The following CNTNAP2 variants were observed in gnomAD, a reference collection of about 807,000 sequenced individuals.
CNTNAP2 encodes the protein contactin associated protein 2, also known as contactin-associated protein-like 2.
In CNTNAP2, 98 loss-of-function variants were observed where a neutral mutation model predicts 155.2. The observed-to-expected ratio is 0.63, with a 90% CI of 0.54 to 0.75. CNTNAP2 has a LOEUF of 0.75. Ranked by LOEUF, CNTNAP2 falls within the 30% of genes least tolerant of loss-of-function variation. The probability of loss-of-function intolerance (pLI) is 0.00; values close to 1 mark genes in which losing one functional copy is unlikely to be tolerated. For synonymous variants in CNTNAP2, 651 were observed against 631.2 expected, an observed-to-expected ratio of 1.03 and a Z score of -0.47; for missense variants, 1,727 against 1,688.1, an observed-to-expected ratio of 1.02 and a Z score of -0.40.
intron 3 of CNTNAP2, among the ~76,000 whole-genome samples, chr7:147,008,557 T>TA (rs943071128): frequency 1.5e-4 from 22 of 150,420 alleles, no homozygotes; most frequent in South Asian, 6.3e-4. Context: ...ACAAACAAAA[T>TA]AAAAAAAACA....
At chr7:146,231,814 A>G (rs898043371) in intron 1 of CNTNAP2, among the ~76,000 whole-genome samples, 2 of 152,212 alleles carry the variant, frequency 1.3e-5, no homozygotes, top group African/African-American at 4.8e-5. Context: ...ATTCCCTGGA[A>G]AGGAACTGCA....
At chr7:147,971,544 A>G (rs1484128496) in intron 14 of CNTNAP2, among the ~76,000 whole-genome samples, 1 of 152,100 alleles carries the variant, frequency 6.6e-6, no homozygotes, top group East Asian at 1.9e-4. Context: ...TAAAATTAGA[A>G]TATGTGATTT....
At chr7:146,395,808 GATAGATAGATAGATAGAGGAGA>G (rs1795614130) in intron 1 of CNTNAP2, among the ~76,000 whole-genome samples, 3 of 136,092 alleles carry the variant, frequency 2.2e-5, no homozygotes, top group African/African-American at 1.1e-4. Context: ...TAGATAGATA[GATAGATAGATAGATAGAGGAGA>G]GAGAGAGAGA....
intron 1 of CNTNAP2, among the ~76,000 whole-genome samples, chr7:146,148,899 G>A (rs1407063886): frequency 2.0e-5 from 3 of 151,996 alleles, no homozygotes; most frequent in East Asian, 3.9e-4. Flanking sequence ...CACCCTCTCT[G>A]CCTATGAGTA....
intron 2 of CNTNAP2, among the ~76,000 whole-genome samples, chr7:146,775,238 T>C (rs1464122203): frequency 6.6e-6 from 1 of 152,154 alleles, no homozygotes; most frequent in Admixed American, 6.5e-5. Context: ...TTTGGATATC[T>C]ATTGTGTAGC....
At chr7:147,611,977 T>A (rs1258141192) in intron 12 of CNTNAP2, among the ~76,000 whole-genome samples, 2 of 152,362 alleles carry the variant, frequency 1.3e-5, no homozygotes, top group East Asian at 3.9e-4. Context: ...ATCATAATTA[T>A]TGATCTTCTA....
intron 3 of CNTNAP2, among the ~76,000 whole-genome samples, chr7:147,010,673 C>T (rs1367687626): frequency 1.3e-5 from 2 of 151,992 alleles, no homozygotes; most frequent in African/African-American, 4.8e-5. Flanking sequence ...TGGACAAAGA[C>T]ATGAGTAAAT....
intron 15 of CNTNAP2, among the ~76,000 whole-genome samples, chr7:148,088,962 G>C (rs949601624): frequency 2.6e-5 from 4 of 151,880 alleles, no homozygotes; most frequent in Non-Finnish European, 5.9e-5. Flanking sequence ...CATTCATCAT[G>C]GTCAGGTGGG....
chr7:147,004,382 G>A (rs952336648), intron 3 of CNTNAP2, among the ~76,000 whole-genome samples: 1 of 151,716 alleles, frequency 6.6e-6, no homozygotes, highest in Non-Finnish European at 1.5e-5. Flanking sequence ...GAAAATAATT[G>A]ACCTTGTAGA....
At chr7:147,262,542 C>A (rs531179428) in intron 8 of CNTNAP2, among the ~76,000 whole-genome samples, 1 of 152,136 alleles carries the variant, frequency 6.6e-6, no homozygotes, top group African/African-American at 2.4e-5. Flanking sequence ...CGGTGGCTCA[C>A]GCCTGTAATC....
At position 147,497,005 on chromosome 7, in the gene CNTNAP2, C is replaced by A. The variant is rs184641065; in HGVS notation, c.1777+10964C>A. The A allele has an allele frequency of 8.5e-4, 130 of 152,170 alleles. 1 individual carries two copies. Among genetic ancestry groups the A allele is most frequent in the Non-Finnish European group, 8.1e-4 (55 of 68,014 alleles). 9.4% of individuals were successfully genotyped at this position (152,170 alleles called of 1,614,324 possible). On this transcript the variant is annotated intron_variant, in intron 11 of 23. Transcript: ENST00000361727. ...TTATCTTTGATGAATATGTCTAACACCATTAATAAGCAATAGTTTCTTATA... is the reference window on the plus strand; with the variant it reads ...TTATCTTTGATGAATATGTCTAACAACATTAATAAGCAATAGTTTCTTATA...
intron 21 of CNTNAP2, among the ~76,000 whole-genome samples, chr7:148,359,244 C>A (rs1798575275): frequency 1.3e-5 from 2 of 152,116 alleles, no homozygotes; most frequent in Admixed American, 1.3e-4. Context: ...TGTGACGTTC[C>A]CACAATAACA....
At chr7:147,474,841 T>C (rs779334369) in intron 10 of CNTNAP2, among the ~76,000 whole-genome samples, 1 of 152,126 alleles carries the variant, frequency 6.6e-6, no homozygotes. Context: ...CTCTGCCTTA[T>C]GGAGCTGAGG....
At chr7:147,962,127 A>G (rs1328641044) in intron 14 of CNTNAP2, among the ~76,000 whole-genome samples, 3 of 152,256 alleles carry the variant, frequency 2.0e-5, no homozygotes, top group African/African-American at 7.2e-5. Context: ...TAATCTTTGC[A>G]TTCCCCACCA....
intron 5 of CNTNAP2, among the ~76,000 whole-genome samples, chr7:147,112,575 A>G (rs1464461354): frequency 1.3e-5 from 2 of 152,174 alleles, no homozygotes; most frequent in Non-Finnish European, 2.9e-5. Flanking sequence ...AGTTTTTAAT[A>G]TAAAGGGATG....
At position 147,949,457 on chromosome 7, in the gene CNTNAP2, TA is replaced by T. The variant is rs66684415; in HGVS notation, c.2256-28404del. Reference sequence around the variant, plus strand: ...AACTGTGTGTATATATATATATATATATTTTTTTTTTTTAGGTTTATTGCAG... The same window carrying T: ...AACTGTGTGTATATATATATATATATTTTTTTTTTTTTAGGTTTATTGCAG... On this transcript the variant is annotated intron_variant, in intron 14 of 23. Coordinates refer to ENST00000361727, the MANE Select transcript of CNTNAP2 (RefSeq NM_014141.6). Among the ~76,000 whole-genome samples, 874 of 131,044 alleles carry T rather than the reference TA, an allele frequency of 6.7e-3. 11 individuals are homozygous for T. The highest frequency in any genetic ancestry group is 0.027 in the African/African-American group (792 of 29,618). 86.0% of individuals were successfully genotyped at this position (131,044 alleles called of 152,430 possible). A position where few individuals can be genotyped will look rare whatever the true frequency, so the allele number is the denominator to read the frequency against.
chr7:147,178,052 C>G (rs371928768), intron 8 of CNTNAP2, among the ~76,000 whole-genome samples: 9 of 152,050 alleles, frequency 5.9e-5, no homozygotes, highest in African/African-American at 2.2e-4. Context: ...CCCCATCCGC[C>G]CCCCCACCAC....
chr7:146,991,845 G>A (rs1163971275), intron 3 of CNTNAP2, among the ~76,000 whole-genome samples: 4 of 152,248 alleles, frequency 2.6e-5, no homozygotes, highest in Non-Finnish European at 5.9e-5. Context: ...CAATGTGAAT[G>A]GCATGAAGAA....
At chr7:146,484,777 A>G (rs892854282) in intron 1 of CNTNAP2, among the ~76,000 whole-genome samples, 2 of 152,176 alleles carry the variant, frequency 1.3e-5, no homozygotes, top group Non-Finnish European at 2.9e-5. Context: ...TAATTGTGGC[A>G]TATTTCTTCT....
Sources: allele counts gnomAD v4.1 joint callset (sites outside exome capture counted in the v4.1 genomes callset), GRCh38; gene constraint gnomAD v4.1.1; transcripts MANE v1.5; gene names NCBI Gene and HGNC (gene_info 2026-07-23, HGNC 2026-07-21).